The following HDAC9 variants were observed in gnomAD, a reference collection of about 807,000 sequenced individuals.
HDAC9 encodes the protein histone deacetylase 9.
In HDAC9, 41 loss-of-function variants were observed where a neutral mutation model predicts 139.4. The ratio of observed to expected loss-of-function variants is 0.29; its 90% CI spans 0.23 to 0.38. The LOEUF (loss-of-function observed/expected upper bound fraction) is 0.38, where lower values mean the gene tolerates loss of function less well. Among genes scored for constraint, HDAC9 ranks in the 10% least tolerant of loss-of-function variants. The pLI, the probability that HDAC9 is intolerant of heterozygous loss-of-function variation, is 1.00. For missense variants in HDAC9, 1,147 were observed against 1,297.0 expected (o/e 0.88, Z 1.78); for synonymous variants, 517 against 476.2 (o/e 1.09, Z -1.12).
chr7:18,107,215 C>T (rs993358636), intron 1 of HDAC9, among the ~76,000 whole-genome samples: 1 of 152,072 alleles, frequency 6.6e-6, no homozygotes, highest in Non-Finnish European at 1.5e-5. Flanking sequence ...CCCTTGCTAC[C>T]CTAAATGGTA....
At chr7:18,442,604 A>C (rs1017786909) in intron 1 of HDAC9, among the ~76,000 whole-genome samples, 1 of 152,178 alleles carries the variant, frequency 6.6e-6, no homozygotes, top group Non-Finnish European at 1.5e-5. Flanking sequence ...ATACTGTACT[A>C]CAGTTGTCCT....
At chr7:18,251,382 G>A (rs111946478) in intron 2 of HDAC9, among the ~76,000 whole-genome samples, 4,864 of 152,168 alleles carry the variant, frequency 0.032, 96 homozygotes, top group Middle Eastern at 0.068. Flanking sequence ...GGGAGGGAGA[G>A]CATCAGGAAG....
chr7:18,288,679 A>G (rs1797608512), upstream of HDAC9, among the ~76,000 whole-genome samples: 1 of 152,200 alleles, frequency 6.6e-6, no homozygotes, highest in South Asian at 2.1e-4. Flanking sequence ...GCATTACAAA[A>G]TACTTGTTTT....
intron 1 of HDAC9, among the ~76,000 whole-genome samples, chr7:18,103,170 C>T (rs946808198): frequency 2.0e-5 from 3 of 152,048 alleles, no homozygotes; most frequent in Non-Finnish European, 4.4e-5. Flanking sequence ...TCTCATGAGA[C>T]TTGTTCACTA....
At chr7:18,272,033 A>G (rs1796386277) in intron 2 of HDAC9, among the ~76,000 whole-genome samples, 1 of 152,222 alleles carries the variant, frequency 6.6e-6, no homozygotes, top group Non-Finnish European at 1.5e-5. Context: ...AATAACAGCC[A>G]TTGAAAGCGC....
chr7:18,237,111 G>A (rs1793872454), intron 2 of HDAC9, among the ~76,000 whole-genome samples: 2 of 152,158 alleles, frequency 1.3e-5, no homozygotes, highest in Admixed American at 1.3e-4. Flanking sequence ...GGTTGGTCCC[G>A]CATCTTTGGC....
intron 23 of HDAC9, among the ~76,000 whole-genome samples, chr7:18,941,753 T>G (rs1389106845): frequency 6.6e-6 from 1 of 152,162 alleles, no homozygotes; most frequent in African/African-American, 2.4e-5. Flanking sequence ...GTGTGGGTAA[T>G]CTAAAGAGAA....
chr7:18,772,111 A>G (rs1310598579), intron 16 of HDAC9, among the ~76,000 whole-genome samples: 1 of 152,116 alleles, frequency 6.6e-6, no homozygotes, highest in East Asian at 1.9e-4. Flanking sequence ...AGCTTTTAAA[A>G]CAGCAAAGAA....
chr7:18,779,269 G>A (rs936131179), intron 16 of HDAC9, among the ~76,000 whole-genome samples: 1 of 152,036 alleles, frequency 6.6e-6, no homozygotes, highest in Non-Finnish European at 1.5e-5. Context: ...GACTCTCAGG[G>A]TTTCAGCAGA....
At chr7:18,181,826 G>C (rs1254225316) in intron 2 of HDAC9, among the ~76,000 whole-genome samples, 1 of 152,030 alleles carries the variant, frequency 6.6e-6, no homozygotes, top group Non-Finnish European at 1.5e-5. Context: ...GTGGTCTGAA[G>C]AATAGGAAAA....
At chr7:18,280,486 G>T (rs1483912507) in intron 2 of HDAC9, among the ~76,000 whole-genome samples, 2 of 152,098 alleles carry the variant, frequency 1.3e-5, no homozygotes, top group Non-Finnish European at 2.9e-5. Context: ...TACTCAGGAG[G>T]CTGAGGCAGG....
chr7:18,643,744 T>C (rs1277328889), intron 8 of HDAC9, among the ~76,000 whole-genome samples: 1 of 152,120 alleles, frequency 6.6e-6, no homozygotes, highest in Non-Finnish European at 1.5e-5. Flanking sequence ...AGGTGGTCTA[T>C]TATTGGAGTC....
At chr7:18,780,621 A>G (rs1791168791) in intron 16 of HDAC9, among the ~76,000 whole-genome samples, 1 of 152,082 alleles carries the variant, frequency 6.6e-6, no homozygotes, top group South Asian at 2.1e-4. Flanking sequence ...AGAAGCAGTC[A>G]TCACTACATC....
intron 1 of HDAC9, among the ~76,000 whole-genome samples, chr7:18,393,898 G>C (rs755867571): frequency 2.0e-5 from 3 of 152,190 alleles, no homozygotes; most frequent in Non-Finnish European, 4.4e-5. Flanking sequence ...AGTGAATTGC[G>C]TGTGGGGAAG....
intron 17 of HDAC9, among the ~76,000 whole-genome samples, chr7:18,810,607 C>G (rs1253798998): frequency 6.6e-6 from 1 of 151,884 alleles, no homozygotes; most frequent in Non-Finnish European, 1.5e-5. Context: ...TGACAAATGT[C>G]TATACCTGAC....
chr7:18,912,270 C>G lies in HDAC9; in HGVS notation c.2804-23539C>G, dbSNP rs145088493. Reference sequence around the variant, plus strand: ...ATGAGCGAGCTTTAGGGAGTTATTTCCTCTCTTATGTTCACTTTTCTCAGC... The same window carrying G: ...ATGAGCGAGCTTTAGGGAGTTATTTGCTCTCTTATGTTCACTTTTCTCAGC... On this transcript the variant is annotated intron_variant, in intron 22 of 25. Transcript: ENST00000686413. Among the ~76,000 whole-genome samples, 832 of 152,004 alleles carry G rather than the reference C, an allele frequency of 5.5e-3. 8 individuals carry two copies. Among genetic ancestry groups the G allele is most frequent in the African/African-American group, 0.019 (790 of 41,496 alleles).
intron 2 of HDAC9, among the ~76,000 whole-genome samples, chr7:18,255,626 C>CTT (rs11386457): frequency 0.26 from 29,681 of 113,470 alleles, 4,851 homozygotes; most frequent in South Asian, 0.36. Context: ...TTTTTCTTTC[C>CTT]TTTTTTTTTT....
intron 22 of HDAC9, among the ~76,000 whole-genome samples, chr7:18,914,852 A>G (rs535784671): frequency 2.0e-5 from 3 of 152,260 alleles, no homozygotes; most frequent in East Asian, 1.9e-4. Flanking sequence ...AAGTTACACT[A>G]TAGAATTGGT....
rs116053250 is a variant in HDAC9, at chr7:18,762,938, G to A, written c.2164+661G>A. On this transcript the variant is annotated intron_variant, in intron 15 of 25. Coordinates refer to ENST00000686413, the MANE Select transcript of HDAC9 (RefSeq NM_178425.4). ...TTTATATGAGTGATAGAAACAACAG[G>A]TTTCTGGAAGAAAAATTAGTGACAA... Among the ~76,000 whole-genome samples, 587 of 152,194 alleles carry A rather than the reference G, an allele frequency of 3.9e-3. 1 individual carries two copies. The highest frequency in any genetic ancestry group is 0.014 in the African/African-American group (564 of 41,550).
Sources: gnomAD v4.1 joint callset for allele counts (sites outside exome capture counted in the v4.1 genomes callset) on GRCh38, gnomAD v4.1.1 for gene constraint, MANE v1.5 for transcripts, NCBI Gene and HGNC (gene_info 2026-07-23, HGNC 2026-07-21) for gene names.